The following PIAS1 variants were observed in gnomAD, a reference collection of about 807,000 sequenced individuals.
The protein encoded by PIAS1 is E3 SUMO-protein ligase PIAS1.
PIAS1 carries 6 observed loss-of-function variants against 71.3 expected under a neutral mutation model. The observed-to-expected ratio is 0.08, with a 90% CI of 0.05 to 0.17. The LOEUF is 0.17. PIAS1 is among the 10% of genes least tolerant of loss of function. The pLI, the probability that PIAS1 is intolerant of heterozygous loss-of-function variation, is 1.00. For missense variants in PIAS1, 555 were observed against 793.6 expected, an observed-to-expected ratio of 0.70 and a Z score of 3.61; for synonymous variants, 303 against 292.9, an observed-to-expected ratio of 1.03 and a Z score of -0.35.
intron 2 of PIAS1, among the ~76,000 whole-genome samples, chr15:68,117,546 C>A (rs1236521327): frequency 2.6e-5 from 4 of 152,200 alleles, no homozygotes; most frequent in Non-Finnish European, 5.9e-5. Context: ...TTCTCGTACC[C>A]CTATTCTATT....
chr15:68,113,317 T>C (rs1024980820), intron 2 of PIAS1, among the ~76,000 whole-genome samples: 13 of 152,202 alleles, frequency 8.5e-5, no homozygotes, highest in Admixed American at 2.6e-4. Context: ...TTTTAAAACT[T>C]GGAATGCTTG....
chr15:68,079,528 G>A (rs2140975016), intron 1 of PIAS1, among the ~76,000 whole-genome samples: 1 of 152,276 alleles, frequency 6.6e-6, no homozygotes, highest in East Asian at 1.9e-4. Flanking sequence ...GTCCAGTGGT[G>A]TGATCACAGC....
At position 68,054,382 on chromosome 15, in the gene PIAS1, T is replaced by G; in HGVS notation, c.24+32T>G. On this transcript the variant is annotated intron_variant, in intron 1 of 13. Transcript: ENST00000249636. The surrounding 1 kb of genome is among the most constrained non-coding windows in gnomAD (Gnocchi z 4.6). The stretch of plus-strand genomic sequence containing the variant: ...CGCAGCTCGAATTCACTTCTAATAT[T>G]CGGCCGCGGAGACGGCGCCGCTGCT... The G allele has an allele frequency of 6.4e-7, 1 of 1,558,232 alleles. No homozygotes were observed. Among genetic ancestry groups the G allele is most frequent in the South Asian group, 1.2e-5 (1 of 84,544 alleles).
intron 7 of PIAS1, among the ~76,000 whole-genome samples, chr15:68,159,209 AATATT>A (rs889686887): frequency 6.6e-6 from 1 of 152,178 alleles, no homozygotes; most frequent in Admixed American, 6.5e-5. Context: ...CTGCAGGACA[AATATT>A]ATATGTCTTA....
intron 6 of PIAS1, among the ~76,000 whole-genome samples, chr15:68,147,924 A>G (rs906797735): frequency 6.6e-6 from 1 of 152,036 alleles, no homozygotes; most frequent in Non-Finnish European, 1.5e-5. Context: ...GACAATTTTC[A>G]TGATATGAAC....
At position 68,191,420 on chromosome 15, in the gene PIAS1, T is replaced by C. The variant is rs1041695068; in HGVS notation, c.*3585T>C. 6.5e-6 allele frequency: 1 copy of C among 152,688 alleles called. No individual in the cohort carries two copies. The highest frequency in any genetic ancestry group is 2.4e-5 in the African/African-American group (1 of 41,468). The allele number at this position is 152,688 out of a possible 1,614,324, so 9.5% of individuals were successfully genotyped here. A position where few individuals can be genotyped will look rare whatever the true frequency, so the allele number is the denominator to read the frequency against. On this transcript the variant is annotated 3_prime_UTR_variant, in exon 14 of 14. Transcript: ENST00000249636. ...GTTTACCTATTGAATGTTACCTGTT[T>C]ATGTAGAGCTCTTTAGATGTAATAA...
At chr15:68,160,255 A>G (rs1352035709) in intron 7 of PIAS1, among the ~76,000 whole-genome samples, 1 of 152,126 alleles carries the variant, frequency 6.6e-6, no homozygotes, top group Admixed American at 6.6e-5. Context: ...TCTTGGATCT[A>G]GGTCTGTGAT....
intron 2 of PIAS1, among the ~76,000 whole-genome samples, chr15:68,101,198 C>T (rs533585650): frequency 3.9e-5 from 6 of 152,190 alleles, no homozygotes; most frequent in Admixed American, 3.9e-4. Context: ...CCGTGGCTGG[C>T]CTTCATGGTG....
chr15:68,094,905 A>G (rs1336978607), intron 2 of PIAS1, among the ~76,000 whole-genome samples: 1 of 152,132 alleles, frequency 6.6e-6, no homozygotes, highest in African/African-American at 2.4e-5. Context: ...TATAGATAAT[A>G]TTCTGTCTTT....
In PIAS1 at chr15:68,185,054, G is replaced by A. The variant is rs753177112; in HGVS notation, c.1662+1387G>A. 2.6e-5 allele frequency: 4 copies of A among 152,806 alleles called. No homozygotes were observed. Among genetic ancestry groups the A allele is most frequent in the Non-Finnish European group, 5.9e-5 (4 of 68,036 alleles). The allele number at this position is 152,806 out of a possible 1,614,324, so 9.5% of individuals were successfully genotyped here. Reference sequence around the variant, plus strand: ...ACTTTTCAAGATGATGATTTTTGTTGATAATGCTCCCACACATCCTCATTT... The same window carrying A: ...ACTTTTCAAGATGATGATTTTTGTTAATAATGCTCCCACACATCCTCATTT... On this transcript the variant is annotated intron_variant, in intron 13 of 13. Transcript: ENST00000249636. The surrounding 1 kb of genome is among the most constrained non-coding windows in gnomAD (Gnocchi z 4.4).
chr15:68,143,631 A>C (rs1309898905), intron 4 of PIAS1, among the ~76,000 whole-genome samples: 1 of 152,160 alleles, frequency 6.6e-6, no homozygotes, highest in African/African-American at 2.4e-5. Context: ...GACAAAAATA[A>C]GATGTCTCCA....
At chr15:68,087,536 C>G (rs1254071098) in intron 2 of PIAS1, among the ~76,000 whole-genome samples, 1 of 152,040 alleles carries the variant, frequency 6.6e-6, no homozygotes, top group South Asian at 2.1e-4. Flanking sequence ...TAAGTCCAGT[C>G]TGTGGCCTGT....
rs1173851220 is a variant in PIAS1 at position 68,175,629 on chromosome 15, T to A, written c.1170-8T>A. On this transcript the variant is annotated splice_region_variant and splice_polypyrimidine_tract_variant and intron_variant, in intron 9 of 13. Coordinates refer to ENST00000249636, the MANE Select transcript of PIAS1 (RefSeq NM_016166.3). ...AATATATTCTAAGGATGAATTGTTT[T>A]CTTATAGCTTGTTTATGGAAATCCT... 3.5e-6 allele frequency: 5 copies of A among 1,425,894 alleles called. No homozygotes were observed. The highest frequency in any genetic ancestry group is 4.7e-6 in the Non-Finnish European group (5 of 1,059,554). The allele number at this position is 1,425,894 out of a possible 1,614,324, so 88.3% of individuals were successfully genotyped here.
At chr15:68,088,201 T>TATATATATATATATATATATAC (rs2092302745) in intron 2 of PIAS1, among the ~76,000 whole-genome samples, 1 of 142,360 alleles carries the variant, frequency 7.0e-6, no homozygotes, top group Admixed American at 7.0e-5. Context: ...TATATATATA[T>TATATATATATATATATATATAC]CCCATTTTAA....
At chr15:68,080,874 C>CG (rs2092222569) in intron 1 of PIAS1, among the ~76,000 whole-genome samples, 1 of 152,162 alleles carries the variant, frequency 6.6e-6, no homozygotes, top group Admixed American at 6.5e-5. Context: ...ATATAGTCTG[C>CG]TTAATGACTA....
intron 1 of PIAS1, among the ~76,000 whole-genome samples, chr15:68,064,440 T>C (rs2140957092): frequency 6.6e-6 from 1 of 152,332 alleles, no homozygotes; most frequent in Non-Finnish European, 1.5e-5. Flanking sequence ...CTCAGTGAAC[T>C]AATATTTTCC....
chr15:68,086,808 G>A lies in PIAS1; in HGVS notation c.469+58G>A, dbSNP rs2092287282. ...TTTGCAGGATGAATTTTCGTTTTAG[G>A]CTTTTACTTTGACCCAGTTTATTAT... On this transcript the variant is annotated intron_variant, in intron 2 of 13. Coordinates refer to ENST00000249636, the MANE Select transcript of PIAS1 (RefSeq NM_016166.3). The surrounding 1 kb of genome is among the most constrained non-coding windows in gnomAD (Gnocchi z 7.2). 2 of 1,069,910 alleles carry A rather than the reference G, an allele frequency of 1.9e-6. No homozygotes were observed. The highest frequency in any genetic ancestry group is 1.6e-5 in the African/African-American group (1 of 63,474). 66.3% of individuals were successfully genotyped at this position (1,069,910 alleles called of 1,614,324 possible). A position where few individuals can be genotyped will look rare whatever the true frequency, so the allele number is the denominator to read the frequency against.
intron 2 of PIAS1, among the ~76,000 whole-genome samples, chr15:68,088,176 G>GTATATATATATATATGTATA (rs2092301280): frequency 1.4e-5 from 1 of 73,008 alleles, no homozygotes; most frequent in African/African-American, 6.2e-5. Context: ...TTATGTGTGT[G>GTATATATATATATATGTATA]TATATATATA....
chr15:68,121,285 C>T (rs1282688341), intron 2 of PIAS1, among the ~76,000 whole-genome samples: 4 of 149,080 alleles, frequency 2.7e-5, no homozygotes, highest in African/African-American at 7.4e-5. Flanking sequence ...TCTTTTGGCA[C>T]TTCAAAAATT....
Sources: allele counts gnomAD v4.1 joint callset (sites outside exome capture counted in the v4.1 genomes callset), GRCh38; gene constraint gnomAD v4.1.1; non-coding constraint Gnocchi (gnomAD v3.1); transcripts MANE v1.5; gene names NCBI Gene and HGNC (gene_info 2026-07-23, HGNC 2026-07-21).